The following KLF13 variants were observed in gnomAD, a reference collection of about 807,000 sequenced individuals.
KLF13 encodes the protein Krueppel-like factor 13.
A neutral mutation model predicts 16.7 loss-of-function variants in KLF13; 8 were observed. The ratio of observed to expected loss-of-function variants is 0.48; its 90% CI spans 0.28 to 0.87. KLF13 has a LOEUF of 0.87. Among genes scored for constraint, KLF13 ranks in the 40% least tolerant of loss-of-function variants. The pLI is 0.10. For synonymous variants in KLF13, 245 were observed against 208.4 expected (o/e 1.18, Z -1.51); for missense variants, 447 against 452.2 (o/e 0.99, Z 0.10).
intron 1 of KLF13, among the ~76,000 whole-genome samples, chr15:31,425,213 A>G (rs1276286532): frequency 6.6e-6 from 1 of 152,214 alleles, no homozygotes; most frequent in Non-Finnish European, 1.5e-5. Context: ...ATACTACCCA[A>G]AGAAATTTGC....
At chr15:31,405,368 C>T (rs564280512), downstream of KLF13, among the ~76,000 whole-genome samples, 38 of 152,372 alleles carry the variant, frequency 2.5e-4, no homozygotes, top group South Asian at 5.4e-3. Context: ...CTCTCCTCTT[C>T]TGCCAGGTGA....
intron 1 of KLF13, among the ~76,000 whole-genome samples, chr15:31,354,058 G>A (rs555018226): frequency 5.3e-5 from 8 of 152,356 alleles, no homozygotes; most frequent in East Asian, 1.9e-4. Flanking sequence ...TGGATACAGC[G>A]TCAGTGTGGA....
chr15:31,392,063 A>C (rs2039879378), upstream of KLF13, among the ~76,000 whole-genome samples: 1 of 150,634 alleles, frequency 6.6e-6, no homozygotes, highest in East Asian at 2.0e-4. Flanking sequence ...CCAGCTGCCC[A>C]CTCGCCCCCG....
At chr15:31,353,717 G>A (rs985729499) in intron 1 of KLF13, among the ~76,000 whole-genome samples, 1 of 152,192 alleles carries the variant, frequency 6.6e-6, no homozygotes, top group African/African-American at 2.4e-5. Flanking sequence ...TGTGGTGGCT[G>A]TGGCCAGAGT....
In KLF13 at chr15:31,353,336, T is replaced by C. The variant is rs193042836; in HGVS notation, c.578-18674T>C. Reference sequence around the variant, plus strand: ...TGGGAAACCTGTCCCAGGCGTTCTGTAACCGTAGCTGCAGGTGCTCTGGGT... The same window carrying C: ...TGGGAAACCTGTCCCAGGCGTTCTGCAACCGTAGCTGCAGGTGCTCTGGGT... On this transcript the variant is annotated intron_variant, in intron 1 of 1. Coordinates refer to ENST00000307145, the MANE Select transcript of KLF13 (RefSeq NM_015995.4). Among the ~76,000 whole-genome samples, 8 of 152,208 alleles carry C rather than the reference T, an allele frequency of 5.3e-5. No homozygotes were observed. In the East Asian group the frequency reaches 1.6e-3, roughly 30 times the overall value.
At chr15:31,432,697 G>T (rs538899400) in intron 1 of KLF13, among the ~76,000 whole-genome samples, 7 of 151,920 alleles carry the variant, frequency 4.6e-5, no homozygotes, top group Non-Finnish European at 1.0e-4. Context: ...CGATCCTCTT[G>T]CCTTAACTTC....
chr15:31,364,174 G>C (rs2039429271), intron 1 of KLF13, among the ~76,000 whole-genome samples: 1 of 152,098 alleles, frequency 6.6e-6, no homozygotes, highest in African/African-American at 2.4e-5. Flanking sequence ...CTATTACTGT[G>C]TGTTTTTCTG....
chr15:31,343,984 C>T (rs76500275), intron 1 of KLF13, among the ~76,000 whole-genome samples: 2,001 of 152,326 alleles, frequency 0.013, 38 homozygotes, highest in Middle Eastern at 0.058. Flanking sequence ...AGGAGAGCCA[C>T]GCATTGCAAG....
chr15:31,332,821 T>C (rs2038855560), intron 1 of KLF13, among the ~76,000 whole-genome samples: 1 of 152,176 alleles, frequency 6.6e-6, no homozygotes, highest in Admixed American at 6.5e-5. Flanking sequence ...AACATATGCA[T>C]GTGTAAGTGT....
At chr15:31,367,641 C>T (rs1449884993) in intron 1 of KLF13, among the ~76,000 whole-genome samples, 1 of 152,212 alleles carries the variant, frequency 6.6e-6, no homozygotes, top group Non-Finnish European at 1.5e-5. Flanking sequence ...AAGGCTGAGT[C>T]TGAATTTGGG....
intron 1 of KLF13, among the ~76,000 whole-genome samples, chr15:31,340,392 C>T (rs2039001759): frequency 6.6e-6 from 1 of 152,238 alleles, no homozygotes; most frequent in Non-Finnish European, 1.5e-5. Context: ...TTCCAGGTTT[C>T]CCTGTTGAAC....
downstream of KLF13, among the ~76,000 whole-genome samples, chr15:31,408,029 A>C (rs951576553): frequency 6.6e-6 from 1 of 152,234 alleles, no homozygotes; most frequent in African/African-American, 2.4e-5. Flanking sequence ...TAACCAATGC[A>C]ATCATGTAAG....
At chr15:31,382,305 CAGAG>C (rs1249465247), downstream of KLF13, among the ~76,000 whole-genome samples, 18 of 152,294 alleles carry the variant, frequency 1.2e-4, no homozygotes, top group Admixed American at 1.0e-3. Flanking sequence ...TGAGCACTCT[CAGAG>C]GGAGGGAGGT....
At chr15:31,359,842 G>T (rs1453271479) in intron 1 of KLF13, among the ~76,000 whole-genome samples, 1 of 152,136 alleles carries the variant, frequency 6.6e-6, no homozygotes, top group Non-Finnish European at 1.5e-5. Flanking sequence ...ACTCTCCCTC[G>T]TCTACCCCAT....
chr15:31,339,395 G>T (rs2038985512), intron 1 of KLF13, among the ~76,000 whole-genome samples: 1 of 152,150 alleles, frequency 6.6e-6, no homozygotes, highest in Admixed American at 6.5e-5. Flanking sequence ...CGGTGGCAAG[G>T]CCCTGGTGAG....
chr15:31,409,295 C>A (rs1326095041), downstream of KLF13, among the ~76,000 whole-genome samples: 1 of 151,720 alleles, frequency 6.6e-6, no homozygotes, highest in African/African-American at 2.4e-5. Context: ...AAAAAAACCC[C>A]AAAAAACAAA....
rs1470813328 is a variant in KLF13, at chr15:31,372,255, T to C, written c.823T>C (p.Ser275Pro). ...CGGCTCCCTCAGCGACTACAGCCGCTCCGACGCCAGCAGCCCCACCATCAG... is the reference window on the plus strand; with the variant it reads ...CGGCTCCCTCAGCGACTACAGCCGCCCCGACGCCAGCAGCCCCACCATCAG... ...RTGSLSDYSRSDASSPTISPA... is the reference protein window; with the variant it reads ...RTGSLSDYSRPDASSPTISPA... The change falls in exon 2 of 2, where the codon TCC becomes CCC. Residue 275 changes from serine to proline, a missense_variant. Transcript: ENST00000307145. The C allele has an allele frequency of 6.5e-7, 1 of 1,543,770 alleles. No individual in the cohort carries two copies. Among genetic ancestry groups the C allele is most frequent in the Admixed American group, 1.9e-5 (1 of 52,154 alleles).
At chr15:31,341,371 G>A (rs1399126890) in intron 1 of KLF13, among the ~76,000 whole-genome samples, 1 of 152,098 alleles carries the variant, frequency 6.6e-6, no homozygotes, top group Admixed American at 6.5e-5. Flanking sequence ...TGTGTGTGTC[G>A]GGTAAGTGGT....
chr15:31,333,208 A>T (rs1174985610), intron 1 of KLF13, among the ~76,000 whole-genome samples: 1 of 152,172 alleles, frequency 6.6e-6, no homozygotes, highest in African/African-American at 2.4e-5. Context: ...TTAATACTAA[A>T]TTTCAAATAA....
Sources: allele counts gnomAD v4.1 joint callset (sites outside exome capture counted in the v4.1 genomes callset), GRCh38; gene constraint gnomAD v4.1.1; transcripts MANE v1.5; gene names NCBI Gene and HGNC (gene_info 2026-07-23, HGNC 2026-07-21).